The following RAB27B variants were observed in gnomAD, a reference collection of about 807,000 sequenced individuals.
The protein encoded by RAB27B is ras-related protein Rab-27B.
In RAB27B, 15 loss-of-function variants were observed where a neutral mutation model predicts 24.6. The observed-to-expected ratio is 0.61, with a 90% CI of 0.41 to 0.94. RAB27B has a LOEUF of 0.94. Ranked by LOEUF, RAB27B falls within the 40% of genes least tolerant of loss-of-function variation. The pLI is 0.00. For synonymous variants in RAB27B, 105 were observed against 92.5 expected (o/e 1.14, Z -0.78); for missense variants, 261 against 266.8 (o/e 0.98, Z 0.15).
In RAB27B at chr18:54,889,553, AC is replaced by A; in HGVS notation, c.*142del. On this transcript the variant is annotated 3_prime_UTR_variant, in exon 6 of 6. Transcript: ENST00000262094. ...TCTGCCAGAAAATCTATTTTAAGAA[AC>A]CAGAATAGTCAACAGTGTTCAAAAG... The A allele has an allele frequency of 1.3e-6, 1 of 796,234 alleles. No homozygotes were observed. Among genetic ancestry groups the A allele is most frequent in the African/African-American group, 1.8e-5 (1 of 57,042 alleles). The allele number at this position is 796,234 out of a possible 1,614,324, so 49.3% of individuals were successfully genotyped here.
chr18:54,771,132 GA>G (rs1244175355), intron 2 of RAB27B, among the ~76,000 whole-genome samples: 2 of 152,142 alleles, frequency 1.3e-5, no homozygotes, highest in African/African-American at 2.4e-5. Context: ...CCACTATCCA[GA>G]AAATGCTGAC....
intron 3 of RAB27B, among the ~76,000 whole-genome samples, chr18:54,882,674 A>G (rs1161477080): frequency 2.0e-5 from 3 of 152,198 alleles, no homozygotes; most frequent in Non-Finnish European, 4.4e-5. Flanking sequence ...AAAGACCAGC[A>G]TGTGTGAAAG....
At chr18:54,760,172 C>T (rs1908139901) in intron 2 of RAB27B, among the ~76,000 whole-genome samples, 1 of 152,220 alleles carries the variant, frequency 6.6e-6, no homozygotes, top group Admixed American at 6.5e-5. Context: ...ACCAGAAGCA[C>T]TCATCCCAGC....
chr18:54,729,848 C>T (rs1188644445), intron 2 of RAB27B, among the ~76,000 whole-genome samples: 2 of 151,514 alleles, frequency 1.3e-5, no homozygotes, highest in Non-Finnish European at 2.9e-5. Context: ...ACCCTTAAGA[C>T]AAAAGGACAA....
chr18:54,871,866 A>T (rs990108540), intron 1 of RAB27B, among the ~76,000 whole-genome samples: 2 of 151,932 alleles, frequency 1.3e-5, no homozygotes, highest in African/African-American at 4.8e-5. Flanking sequence ...AAAAAAAAAA[A>T]AAAGAAATAT....
chr18:54,778,146 G>A (rs1365268074), intron 2 of RAB27B, among the ~76,000 whole-genome samples: 1 of 152,024 alleles, frequency 6.6e-6, no homozygotes, highest in Admixed American at 6.5e-5. Flanking sequence ...CTCCTTTCTC[G>A]ACACACCTCA....
chr18:54,757,391 TAGA>T (rs983973319), intron 2 of RAB27B, among the ~76,000 whole-genome samples: 9 of 152,224 alleles, frequency 5.9e-5, no homozygotes, highest in Admixed American at 2.6e-4. Context: ...GGACATCAAT[TAGA>T]AGACTATTTC....
At chr18:54,723,266 C>T (rs116671064) in intron 2 of RAB27B, among the ~76,000 whole-genome samples, 2,982 of 152,286 alleles carry the variant, frequency 0.02, 33 homozygotes, top group Non-Finnish European at 0.027. Flanking sequence ...AATCTACCTG[C>T]GGCTCTGAGG....
intron 2 of RAB27B, among the ~76,000 whole-genome samples, chr18:54,769,458 TTGTTG>T (rs747333029): frequency 3.1e-4 from 45 of 145,090 alleles, no homozygotes; most frequent in Admixed American, 2.5e-3. Context: ...TGTTTTTTTG[TTGTTG>T]TTGTTGTTGT....
chr18:54,805,852 C>A (rs949588309), intron 2 of RAB27B, among the ~76,000 whole-genome samples: 4 of 152,172 alleles, frequency 2.6e-5, no homozygotes, highest in Non-Finnish European at 5.9e-5. Flanking sequence ...CTCAGAGAAG[C>A]ATTTAATTTT....
At chr18:54,816,867 T>C (rs545109669) in intron 2 of RAB27B, among the ~76,000 whole-genome samples, 24 of 152,342 alleles carry the variant, frequency 1.6e-4, no homozygotes, top group Admixed American at 3.3e-4. Flanking sequence ...AAAGTCATAA[T>C]ATAATGACTA....
At chr18:54,831,094 G>C (rs980366169) in intron 1 of RAB27B, among the ~76,000 whole-genome samples, 4 of 152,148 alleles carry the variant, frequency 2.6e-5, no homozygotes, top group African/African-American at 9.7e-5. Flanking sequence ...TGAGTCTATG[G>C]CACAGTAGCA....
intron 2 of RAB27B, among the ~76,000 whole-genome samples, chr18:54,759,547 G>A (rs1356347081): frequency 1.3e-5 from 2 of 152,204 alleles, no homozygotes; most frequent in Non-Finnish European, 2.9e-5. Flanking sequence ...CCGACAGAAG[G>A]CAGGGAAATA....
intron 2 of RAB27B, among the ~76,000 whole-genome samples, chr18:54,812,974 C>T (rs1045862005): frequency 6.6e-6 from 1 of 152,126 alleles, no homozygotes; most frequent in Admixed American, 6.6e-5. Flanking sequence ...TTCTCTCTCA[C>T]CCTCTGCAAT....
chr18:54,731,659 G>A (rs1909737532), intron 2 of RAB27B, among the ~76,000 whole-genome samples: 1 of 152,150 alleles, frequency 6.6e-6, no homozygotes, highest in Non-Finnish European at 1.5e-5. Context: ...GGCAACAAGA[G>A]TGAAATTCCA....
At position 54,894,025 on chromosome 18, in the gene RAB27B, A is replaced by G. The variant is rs978535862; in HGVS notation, c.*4612A>G. The stretch of plus-strand genomic sequence containing the variant: ...GCATAAAAATGTGATACACTTAGAG[A>G]CATTTTGTTTATTGCATATAAATCT... On this transcript the variant is annotated 3_prime_UTR_variant, in exon 6 of 6. Coordinates refer to ENST00000262094, the MANE Select transcript of RAB27B (RefSeq NM_004163.4). 7 of 152,050 alleles carry G rather than the reference A, an allele frequency of 4.6e-5. No individual in the cohort carries two copies. Among genetic ancestry groups the G allele is most frequent in the Non-Finnish European group, 8.8e-5 (6 of 67,900 alleles). The allele number at this position is 152,050 out of a possible 1,614,324, so 9.4% of individuals were successfully genotyped here. A position where few individuals can be genotyped will look rare whatever the true frequency, so the allele number is the denominator to read the frequency against.
At chr18:54,888,170 A>C in intron 5 of RAB27B, 52 bp downstream of exon 5, 1 of 1,584,036 alleles carries the variant, frequency 6.3e-7, no homozygotes, top group South Asian at 1.2e-5. Context: ...CTGTTCAGCA[A>C]ATGGAGCAGA....
At chr18:54,844,783 G>T (rs1042500511) in intron 1 of RAB27B, among the ~76,000 whole-genome samples, 7 of 152,108 alleles carry the variant, frequency 4.6e-5, no homozygotes, top group Non-Finnish European at 1.0e-4. Context: ...CTAAATAAAT[G>T]AGCTGATCTG....
chr18:54,814,248 A>C (rs923034130), intron 2 of RAB27B, among the ~76,000 whole-genome samples: 1 of 152,256 alleles, frequency 6.6e-6, no homozygotes, highest in East Asian at 1.9e-4. Context: ...CACAGTTACT[A>C]TTCATCTTTG....
Sources: gnomAD v4.1 joint callset for allele counts (sites outside exome capture counted in the v4.1 genomes callset) on GRCh38, gnomAD v4.1.1 for gene constraint, MANE v1.5 for transcripts, NCBI Gene and HGNC (gene_info 2026-07-23, HGNC 2026-07-21) for gene names.